Variants in C8orf34 observed in about 807,000 individuals in gnomAD.
C8orf34 encodes uncharacterized protein C8orf34.
Under a neutral mutation model 68.3 loss-of-function variants are expected in C8orf34, and 65 were observed. The observed-to-expected ratio is 0.95, with a 90% CI of 0.78 to 1.17. The LOEUF is 1.17. Ranked by LOEUF, C8orf34 falls within the 50% of genes most tolerant of loss-of-function variation. The probability of loss-of-function intolerance (pLI) is 0.00; values close to 1 mark genes in which losing one functional copy is unlikely to be tolerated. For synonymous variants in C8orf34, 244 were observed against 241.2 expected (o/e 1.01, Z -0.11); for missense variants, 664 against 655.4 (o/e 1.01, Z -0.14).
At chr8:68,614,094 G>A (rs1350206911) in intron 7 of C8orf34, among the ~76,000 whole-genome samples, 2 of 152,200 alleles carry the variant, frequency 1.3e-5, no homozygotes, top group Non-Finnish European at 2.9e-5. Context: ...CTTCTTTTGA[G>A]AAGTGTCTGT....
chr8:68,427,689 G>T, intron 1 of C8orf34, among the ~76,000 whole-genome samples: 1 of 151,818 alleles, frequency 6.6e-6, no homozygotes, highest in East Asian at 1.9e-4. Context: ...ACACACGAAT[G>T]CATATAAACT....
chr8:68,580,178 T>A (rs1817021546), intron 7 of C8orf34, among the ~76,000 whole-genome samples: 1 of 152,116 alleles, frequency 6.6e-6, no homozygotes, highest in Non-Finnish European at 1.5e-5. Flanking sequence ...ACAAAATCTC[T>A]GCAGAACAAG....
intron 10 of C8orf34, among the ~76,000 whole-genome samples, chr8:68,762,330 A>C (rs950851303): frequency 6.8e-6 from 1 of 147,884 alleles, no homozygotes; most frequent in Non-Finnish European, 1.5e-5. Context: ...CAGTGACCAT[A>C]AGATGATTTA....
intron 12 of C8orf34, among the ~76,000 whole-genome samples, chr8:68,810,265 C>T (rs1438827829): frequency 6.6e-6 from 1 of 152,202 alleles, no homozygotes; most frequent in East Asian, 1.9e-4. Context: ...CACAGCCAGG[C>T]ATGCTGGCTG....
intron 7 of C8orf34, among the ~76,000 whole-genome samples, chr8:68,584,997 C>T (rs767498810): frequency 1.7e-4 from 26 of 152,060 alleles, no homozygotes; most frequent in Admixed American, 3.9e-4. Context: ...GACTCTAAGG[C>T]AGGCTGGTCA....
rs571973418 is a variant in C8orf34 at position 68,615,850 on chromosome 8, G to C, written c.1106-24526G>C. 4.6e-4 allele frequency among the ~76,000 whole-genome samples: 70 copies of C among 151,854 alleles called. No individual in the cohort carries two copies. The East Asian group carries it at 9.7e-3, about 21-fold the overall frequency. On this transcript the variant is annotated intron_variant, in intron 7 of 13. Transcript: ENST00000518698. The stretch of plus-strand genomic sequence containing the variant: ...CCCTCTTTTTCTATTGATTGGAATA[G>C]TTTCAGAAGGAATGGTACCAGTTCC...
intron 1 of C8orf34, among the ~76,000 whole-genome samples, chr8:68,427,760 A>G (rs1440742113): frequency 1.3e-5 from 2 of 152,048 alleles, no homozygotes; most frequent in African/African-American, 4.8e-5. Context: ...TTCATATCAT[A>G]TTATAATTTT....
At chr8:68,771,002 A>G (rs1246760730) in intron 10 of C8orf34, among the ~76,000 whole-genome samples, 1 of 152,188 alleles carries the variant, frequency 6.6e-6, no homozygotes, top group Non-Finnish European at 1.5e-5. Flanking sequence ...GGTCATTTCC[A>G]GAGAAATGTG....
At chr8:68,754,809 G>A (rs1822805122) in intron 10 of C8orf34, among the ~76,000 whole-genome samples, 1 of 152,172 alleles carries the variant, frequency 6.6e-6, no homozygotes, top group African/African-American at 2.4e-5. Context: ...ATGTCTACCT[G>A]TATATGAAAA....
intron 10 of C8orf34, among the ~76,000 whole-genome samples, chr8:68,737,388 A>T (rs1041941671): frequency 1.3e-5 from 2 of 152,032 alleles, no homozygotes; most frequent in Non-Finnish European, 1.5e-5. Flanking sequence ...ATAGCTCTCC[A>T]CTGCAACTTC....
At chr8:68,622,900 C>A (rs1818429473) in intron 7 of C8orf34, among the ~76,000 whole-genome samples, 1 of 152,110 alleles carries the variant, frequency 6.6e-6, no homozygotes, top group Admixed American at 6.5e-5. Context: ...TGACATTTTC[C>A]ATAAAATGTT....
intron 8 of C8orf34, among the ~76,000 whole-genome samples, chr8:68,675,181 G>T (rs1053275587): frequency 6.6e-6 from 1 of 152,068 alleles, no homozygotes; most frequent in Non-Finnish European, 1.5e-5. Context: ...GAAAGAAAAA[G>T]ATGTTAATAA....
chr8:68,760,201 A>T (rs918235478), intron 10 of C8orf34, among the ~76,000 whole-genome samples: 5 of 152,136 alleles, frequency 3.3e-5, no homozygotes, highest in African/African-American at 1.2e-4. Flanking sequence ...ACAGCTGGAG[A>T]ATTAGGTGAT....
In C8orf34 at chr8:68,595,409, A is replaced by C. The variant is rs1037632297; in HGVS notation, c.1106-44967A>C. On this transcript the variant is annotated intron_variant, in intron 7 of 13. Transcript: ENST00000518698. Reference sequence around the variant, plus strand: ...TAGTTTGAAATATTTTTCTTCAAAAATATGTAAATATTGTTGCTATTGAAA... The same window carrying C: ...TAGTTTGAAATATTTTTCTTCAAAACTATGTAAATATTGTTGCTATTGAAA... Among the ~76,000 whole-genome samples, 24 of 152,240 alleles carry C rather than the reference A, an allele frequency of 1.6e-4. No individual in the cohort carries two copies. In the East Asian group the frequency reaches 4.6e-3, roughly 29 times the overall value.
chr8:68,335,300 A>G (rs1166906359), intron 1 of C8orf34, among the ~76,000 whole-genome samples: 1 of 152,240 alleles, frequency 6.6e-6, no homozygotes, highest in African/African-American at 2.4e-5. Flanking sequence ...TGTCATTTTA[A>G]TAAAAATGAT....
chr8:68,636,040 A>T (rs1442345599), intron 7 of C8orf34, among the ~76,000 whole-genome samples: 1 of 152,180 alleles, frequency 6.6e-6, no homozygotes, highest in African/African-American at 2.4e-5. Flanking sequence ...AAAACTTTAT[A>T]ATAATAATTT....
intron 6 of C8orf34, among the ~76,000 whole-genome samples, chr8:68,523,691 AC>A (rs60807737): frequency 0.011 from 1,654 of 152,246 alleles, 38 homozygotes; most frequent in African/African-American, 0.038. Flanking sequence ...ATCTTCTAAT[AC>A]AAAATAGGAT....
At chr8:68,378,485 G>A (rs934614935) in intron 1 of C8orf34, among the ~76,000 whole-genome samples, 3 of 151,986 alleles carry the variant, frequency 2.0e-5, no homozygotes, top group Non-Finnish European at 4.4e-5. Flanking sequence ...ATGGGGTGTC[G>A]ACATGTTGCC....
At chr8:68,576,928 A>G (rs1366664337) in intron 7 of C8orf34, among the ~76,000 whole-genome samples, 1 of 152,038 alleles carries the variant, frequency 6.6e-6, no homozygotes, top group Non-Finnish European at 1.5e-5. Flanking sequence ...TTAAAGTGCA[A>G]TTATTTCCAA....
Sources: gnomAD v4.1 joint callset for allele counts (sites outside exome capture counted in the v4.1 genomes callset) on GRCh38, gnomAD v4.1.1 for gene constraint, MANE v1.5 for transcripts, NCBI Gene and HGNC (gene_info 2026-07-23, HGNC 2026-07-21) for gene names.